CSMD1: variants seen among roughly 807,000 people sequenced by gnomAD.
The protein encoded by CSMD1 is CUB and Sushi multiple domains 1.
In CSMD1, 213 loss-of-function variants were observed where a neutral mutation model predicts 417.5. The ratio of observed to expected loss-of-function variants is 0.51; its 90% CI spans 0.46 to 0.57. The LOEUF (loss-of-function observed/expected upper bound fraction) is 0.57, where lower values mean the gene tolerates loss of function less well. CSMD1 is among the 20% of genes least tolerant of loss of function. The pLI is 0.00. For synonymous variants in CSMD1, 2,862 were observed against 1,736.8 expected, an observed-to-expected ratio of 1.65 and a Z score of -16.11; for missense variants, 6,923 against 4,529.7, an observed-to-expected ratio of 1.53 and a Z score of -15.17.
chr8:2,942,331 A>G (rs1801932174), intron 69 of CSMD1, 141 bp downstream of exon 69: 1 of 793,492 alleles, frequency 1.3e-6, no homozygotes, highest in East Asian at 2.8e-5. Context: ...AACTCAAAAT[A>G]AAAGTTGATT....
intron 5 of CSMD1, among the ~76,000 whole-genome samples, chr8:3,989,837 C>T (rs1352462418): frequency 6.6e-6 from 1 of 152,146 alleles, no homozygotes; most frequent in East Asian, 1.9e-4. Flanking sequence ...AACAAAATGT[C>T]ACATTTTTTG....
At position 4,898,440 on chromosome 8, in the gene CSMD1, C is replaced by A. The variant is rs931277743; in HGVS notation, c.85+95892G>T. Among the ~76,000 whole-genome samples, 5 of 152,116 alleles carry A rather than the reference C, an allele frequency of 3.3e-5. 1 individual carries two copies. The highest frequency in any genetic ancestry group is 1.2e-4 in the African/African-American group (5 of 41,414). On this transcript the variant is annotated intron_variant, in intron 1 of 69. Coordinates refer to ENST00000635120, the MANE Select transcript of CSMD1 (RefSeq NM_033225.6). Reference sequence around the variant, plus strand: ...GACTGGGTGATGGTCACAGAAGGACCGCATGGGTGTAGAAAGTGTAAGTGA... The same window carrying A: ...GACTGGGTGATGGTCACAGAAGGACAGCATGGGTGTAGAAAGTGTAAGTGA...
At chr8:4,355,639 T>A (rs945844173) in intron 3 of CSMD1, among the ~76,000 whole-genome samples, 4 of 152,192 alleles carry the variant, frequency 2.6e-5, no homozygotes, top group African/African-American at 9.7e-5. Context: ...CAGAAATCAT[T>A]CAAGAAAAGC....
chr8:4,040,844 C>T (rs568466544), intron 3 of CSMD1, among the ~76,000 whole-genome samples: 3 of 151,836 alleles, frequency 2.0e-5, no homozygotes, highest in South Asian at 2.1e-4. Flanking sequence ...TCCGGACAAT[C>T]GAAAAAATAA....
At chr8:3,901,055 C>A (rs748072777) in intron 5 of CSMD1, among the ~76,000 whole-genome samples, 1 of 152,012 alleles carries the variant, frequency 6.6e-6, no homozygotes, top group Non-Finnish European at 1.5e-5. Flanking sequence ...CTTTTAATAA[C>A]GATTTTGTAG....
intron 10 of CSMD1, among the ~76,000 whole-genome samples, chr8:3,497,547 G>C (rs1020569167): frequency 4.6e-5 from 7 of 152,142 alleles, no homozygotes; most frequent in African/African-American, 1.4e-4. Context: ...TGGGATTACA[G>C]GGTCAATATA....
At chr8:4,292,146 A>G (rs1797404717) in intron 3 of CSMD1, among the ~76,000 whole-genome samples, 1 of 152,176 alleles carries the variant, frequency 6.6e-6, no homozygotes, top group South Asian at 2.1e-4. Flanking sequence ...AAATATGAAA[A>G]TGACCCAGGT....
intron 6 of CSMD1, among the ~76,000 whole-genome samples, chr8:3,738,461 A>T (rs957555312): frequency 2.0e-5 from 3 of 152,210 alleles, no homozygotes; most frequent in African/African-American, 7.2e-5. Flanking sequence ...CTTGAAGCTC[A>T]TATGTGCAGT....
intron 3 of CSMD1, among the ~76,000 whole-genome samples, chr8:4,277,633 G>C (rs920691587): frequency 6.6e-6 from 1 of 152,098 alleles, no homozygotes; most frequent in Admixed American, 6.6e-5. Context: ...TTCTCACAAG[G>C]ATATGCAGAA....
chr8:3,931,077 G>C (rs2930336), intron 5 of CSMD1, among the ~76,000 whole-genome samples: 4 of 149,912 alleles, frequency 2.7e-5, no homozygotes, highest in Non-Finnish European at 4.5e-5. Flanking sequence ...TTTTAAAAAT[G>C]TGACATCTTT....
At chr8:3,705,359 A>G (rs1450401983) in intron 7 of CSMD1, among the ~76,000 whole-genome samples, 1 of 152,052 alleles carries the variant, frequency 6.6e-6, no homozygotes, top group Non-Finnish European at 1.5e-5. Flanking sequence ...TTCCATCCAT[A>G]CCCTGGTGCT....
intron 10 of CSMD1, among the ~76,000 whole-genome samples, chr8:3,573,224 T>C (rs923562833): frequency 3.3e-5 from 5 of 152,182 alleles, no homozygotes; most frequent in African/African-American, 1.2e-4. Flanking sequence ...TTCTCTAAGG[T>C]AAATGCTATT....
intron 37 of CSMD1, among the ~76,000 whole-genome samples, chr8:3,177,060 G>A (rs1281751605): frequency 6.6e-6 from 1 of 152,114 alleles, no homozygotes; most frequent in Non-Finnish European, 1.5e-5. Context: ...TTATAAGCAT[G>A]AGCAACCATG....
intron 1 of CSMD1, among the ~76,000 whole-genome samples, chr8:4,929,841 A>G (rs1276864617): frequency 6.6e-6 from 1 of 152,176 alleles, no homozygotes; most frequent in Non-Finnish European, 1.5e-5. Flanking sequence ...AAACATCCCC[A>G]TTGGCAAATT....
At chr8:4,347,848 A>G (rs1048389438) in intron 3 of CSMD1, among the ~76,000 whole-genome samples, 7 of 152,338 alleles carry the variant, frequency 4.6e-5, no homozygotes, top group African/African-American at 1.7e-4. Context: ...AAGAAACAAA[A>G]AAAAACAGAT....
At chr8:4,544,644 G>C (rs549112580) in intron 2 of CSMD1, among the ~76,000 whole-genome samples, 1 of 152,108 alleles carries the variant, frequency 6.6e-6, no homozygotes, top group Non-Finnish European at 1.5e-5. Context: ...ACTATAGTTG[G>C]TAAGATGCAT....
intron 1 of CSMD1, among the ~76,000 whole-genome samples, chr8:4,779,195 C>T (rs533114132): frequency 3.7e-4 from 57 of 152,270 alleles, no homozygotes; most frequent in African/African-American, 1.3e-3. Context: ...CAAACATATG[C>T]TAACTGGTCT....
At chr8:3,502,373 A>AAAAG in intron 10 of CSMD1, among the ~76,000 whole-genome samples, 1 of 151,500 alleles carries the variant, frequency 6.6e-6, no homozygotes. Flanking sequence ...TCAAAAAAAA[A>AAAAG]AAAAAAAAGA....
At chr8:4,341,006 T>C (rs917438809) in intron 3 of CSMD1, among the ~76,000 whole-genome samples, 1 of 152,066 alleles carries the variant, frequency 6.6e-6, no homozygotes. Context: ...AGTCATCCTA[T>C]TTTTTCAGAA....
Sources: allele counts gnomAD v4.1 joint callset (sites outside exome capture counted in the v4.1 genomes callset), GRCh38; gene constraint gnomAD v4.1.1; transcripts MANE v1.5; gene names NCBI Gene and HGNC (gene_info 2026-07-23, HGNC 2026-07-21).